The following CACNA1I variants were observed in gnomAD, a reference collection of about 807,000 sequenced individuals.
The protein encoded by CACNA1I is voltage-dependent T-type calcium channel subunit alpha-1I.
A neutral mutation model predicts 201.6 loss-of-function variants in CACNA1I; 74 were observed. The observed-to-expected ratio is 0.37, with a 90% CI of 0.30 to 0.45. CACNA1I has a LOEUF of 0.45. Among genes scored for constraint, CACNA1I ranks in the 20% least tolerant of loss-of-function variants. CACNA1I has a pLI of 1.00. For synonymous variants in CACNA1I, 1,431 were observed against 1,345.2 expected (o/e 1.06, Z -1.40); for missense variants, 2,346 against 3,138.1 (o/e 0.75, Z 6.03).
At position 39,686,609 on chromosome 22, in the gene CACNA1I, C is replaced by CATATATATATATATACATATATAT. The variant is rs1935887778; in HGVS notation, c.*219_*220insCATATATATATATATATATATATA. The CATATATATATATATACATATATAT allele has an allele frequency of 7.4e-6, 1 of 135,826 alleles. No homozygotes were observed. Among genetic ancestry groups the CATATATATATATATACATATATAT allele is most frequent in the African/African-American group, 2.6e-5 (1 of 37,970 alleles). 8.4% of individuals were successfully genotyped at this position (135,826 alleles called of 1,614,324 possible). On this transcript the variant is annotated 3_prime_UTR_variant, in exon 37 of 37. Coordinates refer to ENST00000402142, the MANE Select transcript of CACNA1I (RefSeq NM_021096.4). Reference sequence around the variant, plus strand: ...GTGGCCCTTCCAGTGCATATACATACATATATATATATATATGCATATATA... The same window carrying CATATATATATATATACATATATAT: ...GTGGCCCTTCCAGTGCATATACATACATATATATATATATACATATATATATATATATATATATATGCATATATA...
At chr22:39,673,757 C>A (rs747653450) in intron 28 of CACNA1I, among the ~76,000 whole-genome samples, 1 of 152,224 alleles carries the variant, frequency 6.6e-6, no homozygotes, top group Non-Finnish European at 1.5e-5. Flanking sequence ...GTGACACCCA[C>A]GCCTTGTGTC....
rs181121347 is a variant in CACNA1I, at chr22:39,683,748, C to T, written c.5831-554C>T. ...CCTGCCCCAGCCTTCAGACCCCCCA[C>T]CCCCATCCTTGCCCCTCACCATGTG... is the stretch of plus-strand genomic sequence containing the variant. On this transcript the variant is annotated intron_variant, in intron 35 of 36. Transcript: ENST00000402142. 6.8e-3 allele frequency among the ~76,000 whole-genome samples: 1,019 copies of T among 150,948 alleles called. 19 individuals are homozygous for T. The highest frequency in any genetic ancestry group is 0.023 in the African/African-American group (960 of 40,978).
At chr22:39,647,178 T>C (rs1435362033) in intron 8 of CACNA1I, among the ~76,000 whole-genome samples, 1 of 152,130 alleles carries the variant, frequency 6.6e-6, no homozygotes, top group Non-Finnish European at 1.5e-5. Context: ...AAGCCACACT[T>C]GAGAGGAAAG....
At chr22:39,643,740 T>TG (rs1039495977) in intron 7 of CACNA1I, among the ~76,000 whole-genome samples, 3 of 152,166 alleles carry the variant, frequency 2.0e-5, no homozygotes, top group African/African-American at 7.2e-5. Context: ...AGTGCTTTCT[T>TG]GGGGAGGCTG....
At position 39,640,314 on chromosome 22, in the gene CACNA1I, A is replaced by C. The variant is rs563117600; in HGVS notation, c.741-553A>C. The stretch of plus-strand genomic sequence containing the variant: ...TGAGACAGGAGAATTGCTTGAACCC[A>C]GGAGGTGGAGGTTGCAGTGAGCCAA... On this transcript the variant is annotated intron_variant, in intron 5 of 36. Transcript: ENST00000402142. 3.3e-5 allele frequency among the ~76,000 whole-genome samples: 5 copies of C among 152,242 alleles called. No homozygotes were observed. The South Asian group carries it at 8.3e-4, about 25-fold the overall frequency.
intron 24 of CACNA1I, 46 bp downstream of exon 24, chr22:39,668,427 A>G: frequency 5.4e-6 from 7 of 1,297,728 alleles, no homozygotes; most frequent in South Asian, 4.8e-5. Context: ...AGGGAGGAAC[A>G]TGGTGTCCTT....
At chr22:39,638,873 C>T (rs1238943572) in intron 5 of CACNA1I, among the ~76,000 whole-genome samples, 2 of 152,166 alleles carry the variant, frequency 1.3e-5, no homozygotes, top group Non-Finnish European at 2.9e-5. Flanking sequence ...AAGGAGTGCA[C>T]AACCTAGATC....
chr22:39,574,503 G>T (rs1444800514), intron 1 of CACNA1I, among the ~76,000 whole-genome samples: 8 of 152,098 alleles, frequency 5.3e-5, no homozygotes, highest in African/African-American at 1.9e-4. Flanking sequence ...TGGGGCAGGG[G>T]CTGAAGCCTC....
intron 3 of CACNA1I, among the ~76,000 whole-genome samples, chr22:39,611,127 G>C (rs17001379): frequency 0.048 from 7,356 of 152,260 alleles, 558 homozygotes; most frequent in African/African-American, 0.16. Flanking sequence ...GAGTTCACAA[G>C]GGCGCCCTGG....
At position 39,665,703 on chromosome 22, in the gene CACNA1I, T is replaced by C; in HGVS notation, c.3978+79T>C. The C allele has an allele frequency of 6.4e-7, 1 of 1,572,038 alleles. No homozygotes were observed. Among genetic ancestry groups the C allele is most frequent in the Non-Finnish European group, 8.7e-7 (1 of 1,151,410 alleles). On this transcript the variant is annotated intron_variant, in intron 22 of 36. Coordinates refer to ENST00000402142, the MANE Select transcript of CACNA1I (RefSeq NM_021096.4). The surrounding 1 kb of genome is among the most constrained non-coding windows in gnomAD (Gnocchi z 5.5). ...AGTCTCAGACAGCCAGGGGAGAGAC[T>C]CCACATTCCAACCTCATGCGCCTTG... is the stretch of plus-strand genomic sequence containing the variant.
intron 4 of CACNA1I, among the ~76,000 whole-genome samples, chr22:39,624,679 T>G (rs1402821531): frequency 6.6e-6 from 1 of 152,142 alleles, no homozygotes; most frequent in Non-Finnish European, 1.5e-5. Context: ...GGTCTAACCC[T>G]CATTTCGCGG....
intron 3 of CACNA1I, among the ~76,000 whole-genome samples, chr22:39,614,618 C>A (rs1390401544): frequency 2.6e-5 from 4 of 152,336 alleles, no homozygotes; most frequent in East Asian, 3.9e-4. Flanking sequence ...ACGTGCCTAT[C>A]CTGAACCAAC....
chr22:39,649,853 G>A lies in CACNA1I; in HGVS notation c.1920G>A (p.Lys640=), dbSNP rs201823475. 570 of 1,613,678 alleles carry A rather than the reference G, an allele frequency of 3.5e-4. 2 individuals are homozygous for A. The highest frequency in any genetic ancestry group is 1.6e-5 in the Non-Finnish European group (19 of 1,179,754). ...RAKLRGIVDS[K]YFNRGIMMAI... ...AGCTGCGCGGCATCGTGGACAGCAAGTACTTCAACCGGGGCATCATGATGG... is the reference window on the plus strand; with the variant it reads ...AGCTGCGCGGCATCGTGGACAGCAAATACTTCAACCGGGGCATCATGATGG... The change falls in exon 10 of 37, where the codon AAG becomes AAA. Residue 640 remains lysine, a synonymous_variant. Transcript: ENST00000402142. This position sits in a 1 kb window ranked among gnomAD's most constrained non-coding sequence, Gnocchi z 7.3.
intron 1 of CACNA1I, among the ~76,000 whole-genome samples, chr22:39,572,316 C>T (rs550030973): frequency 1.3e-5 from 2 of 152,162 alleles, no homozygotes; most frequent in South Asian, 4.2e-4. Flanking sequence ...CCATATGTGG[C>T]TCGAGGTTCT....
intron 4 of CACNA1I, among the ~76,000 whole-genome samples, chr22:39,627,102 T>C (rs565742476): frequency 2.4e-4 from 36 of 152,304 alleles, no homozygotes; most frequent in African/African-American, 8.2e-4. Context: ...TCCGTTCTTT[T>C]AGCGTGTAGG....
chr22:39,605,043 G>A (rs1933172895), intron 3 of CACNA1I, among the ~76,000 whole-genome samples: 1 of 151,942 alleles, frequency 6.6e-6, no homozygotes, highest in Admixed American at 6.6e-5. Context: ...TGGCTCCAGA[G>A]CCCAGCCCTC....
At chr22:39,600,416 C>T in intron 2 of CACNA1I, 104 bp from the exon 3 acceptor site, 2 of 916,380 alleles carry the variant, frequency 2.2e-6, no homozygotes, top group Non-Finnish European at 3.4e-6. Context: ...TTCCCAGGCC[C>T]CTTGCATCCA....
chr22:39,616,289 G>A (rs531596010), intron 3 of CACNA1I, among the ~76,000 whole-genome samples: 2 of 152,184 alleles, frequency 1.3e-5, no homozygotes, highest in Non-Finnish European at 2.9e-5. Flanking sequence ...GAGAGCACAC[G>A]TGTCTGATCA....
At chr22:39,658,335 G>A in intron 11 of CACNA1I, 32 bp downstream of exon 11, 3 of 1,604,816 alleles carry the variant, frequency 1.9e-6, no homozygotes, top group Non-Finnish European at 8.5e-7. Flanking sequence ...CGGCAGCAGA[G>A]TGCCTCGGGG....
Sources: allele counts gnomAD v4.1 joint callset (sites outside exome capture counted in the v4.1 genomes callset), GRCh38; gene constraint gnomAD v4.1.1; non-coding constraint Gnocchi (gnomAD v3.1); transcripts MANE v1.5; gene names NCBI Gene and HGNC (gene_info 2026-07-23, HGNC 2026-07-21).